CRTAC1: variants seen among roughly 807,000 people sequenced by gnomAD.
CRTAC1 encodes acidic secreted protein in cartilage.
In CRTAC1, 37 loss-of-function variants were observed where a neutral mutation model predicts 67.8. The ratio of observed to expected loss-of-function variants is 0.55; its 90% CI spans 0.42 to 0.72. CRTAC1 has a LOEUF of 0.72. Among genes scored for constraint, CRTAC1 ranks in the 30% least tolerant of loss-of-function variants. CRTAC1 has a pLI of 0.00. For missense variants in CRTAC1, 780 were observed against 931.6 expected (o/e 0.84, Z 2.12); for synonymous variants, 348 against 371.0 (o/e 0.94, Z 0.71).
chr10:97,995,480 A>G (rs764286595), intron 2 of CRTAC1, among the ~76,000 whole-genome samples: 2 of 152,242 alleles, frequency 1.3e-5, no homozygotes, highest in Non-Finnish European at 2.9e-5. Context: ...GGTGATAGAA[A>G]GAACACAAGC....
chr10:97,959,106 T>C (rs375833409), intron 2 of CRTAC1, among the ~76,000 whole-genome samples: 16 of 152,188 alleles, frequency 1.1e-4, no homozygotes, highest in African/African-American at 3.9e-4. Context: ...GTAACAGGTC[T>C]GTGAGTTACC....
chr10:98,028,281 T>A (rs920491010), intron 1 of CRTAC1, among the ~76,000 whole-genome samples: 10 of 152,250 alleles, frequency 6.6e-5, no homozygotes. Context: ...TAGCCTGAGC[T>A]GCCTTAAAGC....
intron 9 of CRTAC1, among the ~76,000 whole-genome samples, chr10:97,896,522 A>G (rs1174654715): frequency 6.6e-6 from 1 of 152,140 alleles, no homozygotes; most frequent in African/African-American, 2.4e-5. Context: ...CTGTCTGACA[A>G]CAAGCTGAGT....
At position 97,877,877 on chromosome 10, in the gene CRTAC1, T is replaced by C. The variant is rs192891605; in HGVS notation, c.1819+2372A>G. 1.1e-4 allele frequency among the ~76,000 whole-genome samples: 17 copies of C among 152,372 alleles called. No homozygotes were observed. In the East Asian group the frequency reaches 3.1e-3, roughly 28 times the overall value. On this transcript the variant is annotated intron_variant, in intron 14 of 14. Coordinates refer to ENST00000370597, the MANE Select transcript of CRTAC1 (RefSeq NM_018058.7). ...GTCACCCTGAACCCCCTGATGTCCT[T>C]GGCAGGCCATCTCTGTAGTTGTCTT...
chr10:97,914,416 A>G (rs2050730446), intron 5 of CRTAC1, among the ~76,000 whole-genome samples: 1 of 152,208 alleles, frequency 6.6e-6, no homozygotes, highest in Non-Finnish European at 1.5e-5. Context: ...GTGCCAGGCC[A>G]TGTGCCAGCC....
intron 1 of CRTAC1, among the ~76,000 whole-genome samples, chr10:98,022,298 T>C (rs549497908): frequency 6.7e-6 from 1 of 149,998 alleles, no homozygotes; most frequent in Non-Finnish European, 1.5e-5. Context: ...GAGGTTGGGG[T>C]GAGCCGAGAT....
intron 3 of CRTAC1, among the ~76,000 whole-genome samples, chr10:97,926,728 A>C (rs1274246376): frequency 6.6e-6 from 1 of 152,208 alleles, no homozygotes; most frequent in East Asian, 1.9e-4. Context: ...AATTTCCCAC[A>C]AAACTTAAAA....
At chr10:97,932,540 G>A (rs1221344801) in intron 3 of CRTAC1, among the ~76,000 whole-genome samples, 1 of 152,110 alleles carries the variant, frequency 6.6e-6, no homozygotes, top group Non-Finnish European at 1.5e-5. Context: ...GGGTAATGGG[G>A]GTACAATTTT....
In CRTAC1 at chr10:97,975,077, G is replaced by A. The variant is rs2051777499; in HGVS notation, c.224+36061C>T. Among the ~76,000 whole-genome samples the A allele has an allele frequency of 6.6e-6, 1 of 152,090 alleles. No homozygotes were observed. Among genetic ancestry groups the A allele is most frequent in the Non-Finnish European group, 1.5e-5 (1 of 68,006 alleles). ...GGATCGATTCCCGGGTGGCGGTGGAGGGCCGGCCCGGGAGGAGCGGCGGAG... is the reference window on the plus strand; with the variant it reads ...GGATCGATTCCCGGGTGGCGGTGGAAGGCCGGCCCGGGAGGAGCGGCGGAG... On this transcript the variant is annotated intron_variant, in intron 2 of 14. Transcript: ENST00000370597. This position sits in a 1 kb window ranked among gnomAD's most constrained non-coding sequence, Gnocchi z 4.8.
intron 6 of CRTAC1, among the ~76,000 whole-genome samples, chr10:97,907,479 T>G (rs890618341): frequency 3.9e-5 from 6 of 152,136 alleles, no homozygotes; most frequent in Non-Finnish European, 8.8e-5. Context: ...TTTGTGTGGG[T>G]TTTATCCTGC....
chr10:97,884,334 T>C lies in CRTAC1; in HGVS notation c.1504A>G (p.Ser502Gly). 6.4e-7 allele frequency: 1 copy of C among 1,551,714 alleles called. No homozygotes were observed. The highest frequency in any genetic ancestry group is 8.7e-7 in the Non-Finnish European group (1 of 1,147,290). ...HFGLGKDEAS[S>G]VEVTWPDGKM... ...CCATCTGGCCACGTCACCTCCACAC[T>C]GCTGGCTTCATCCTTCCCTGAGGGG... The change falls in exon 12 of 15, where the codon AGT becomes GGT. Residue 502 changes from serine to glycine, a missense_variant. Physicochemically the swap from Ser to Gly is moderately conservative, Grantham distance 56. Transcript: ENST00000370597.
intron 1 of CRTAC1, among the ~76,000 whole-genome samples, chr10:98,018,073 C>T (rs1171005519): frequency 6.6e-6 from 1 of 151,280 alleles, no homozygotes; most frequent in African/African-American, 2.4e-5. Flanking sequence ...GTAAGGGGCA[C>T]CGCCTGTAAT....
At chr10:97,878,741 TGAG>T in intron 14 of CRTAC1, 1 of 1,298,054 alleles carries the variant, frequency 7.7e-7, no homozygotes, top group Non-Finnish European at 1.0e-6. Flanking sequence ...AGCCAGACAT[TGAG>T]GAGTCTTAGA....
chr10:97,950,246 C>CACACAGAGAG (rs1447953866), intron 2 of CRTAC1, among the ~76,000 whole-genome samples: 4 of 113,382 alleles, frequency 3.5e-5, no homozygotes, highest in African/African-American at 7.6e-5. Flanking sequence ...CACACACACA[C>CACACAGAGAG]AGAGAGAGAG....
intron 2 of CRTAC1, among the ~76,000 whole-genome samples, chr10:97,956,447 TCTAGGGTCAGTG>T (rs1427156254): frequency 2.0e-5 from 3 of 152,320 alleles, no homozygotes; most frequent in South Asian, 2.1e-4. Flanking sequence ...ACAATTATAC[TCTAGGGTCAGTG>T]TTCCTGAGGA....
chr10:97,936,269 G>T lies in CRTAC1; in HGVS notation c.322C>A (p.Arg108=). The change falls in exon 3 of 15, where the codon CGG becomes AGG. Residue 108 remains arginine (R), a synonymous_variant. Coordinates refer to ENST00000370597, the MANE Select transcript of CRTAC1 (RefSeq NM_018058.7). The part of the protein sequence containing the change: ...DERSSPYYAL[R]DRQGNAIGVT... ...CCGATGGCGTTCCCCTGCCGGTCCC[G>T]CAGCGCGTAGTAGGGTGAGCTGCGC... The T allele has an allele frequency of 6.2e-7, 1 of 1,614,104 alleles. No individual in the cohort carries two copies. The highest frequency in any genetic ancestry group is 8.5e-7 in the Non-Finnish European group (1 of 1,179,978).
chr10:97,919,879 A>G (rs1376270477), intron 4 of CRTAC1, among the ~76,000 whole-genome samples: 1 of 150,074 alleles, frequency 6.7e-6, no homozygotes, highest in Non-Finnish European at 1.5e-5. Context: ...AGCTGGGACT[A>G]CAGGTGTGCC....
At chr10:97,894,603 G>T (rs553473217) in intron 11 of CRTAC1, among the ~76,000 whole-genome samples, 46 of 149,106 alleles carry the variant, frequency 3.1e-4, no homozygotes, top group African/African-American at 1.0e-3. Flanking sequence ...TCGCCATGTT[G>T]CCCAGGCTAG....
In CRTAC1 at chr10:97,895,917, C is replaced by T. The variant is rs1466645220; in HGVS notation, c.1285G>A (p.Ala429Thr). The change falls in exon 10 of 15, where the codon GCT becomes ACT. Residue 429 changes from alanine to threonine, a missense_variant. Coordinates refer to ENST00000370597, the MANE Select transcript of CRTAC1 (RefSeq NM_018058.7). The surrounding 1 kb of genome is among the most constrained non-coding windows in gnomAD (Gnocchi z 4.2). Reference sequence around the variant, plus strand: ...CCCCGGAAGACGGACAGCGGCTGAGCCATGGACTCTCCATGGGACAAGATG... The same window carrying T: ...CCCCGGAAGACGGACAGCGGCTGAGTCATGGACTCTCCATGGGACAAGATG... ...DLILSHGESM[A>T]QPLSVFRGNQ... is the part of the protein sequence containing the mutation. 1 of 1,614,026 alleles carries T rather than the reference C, an allele frequency of 6.2e-7. No individual in the cohort carries two copies. The highest frequency in any genetic ancestry group is 1.7e-5 in the Admixed American group (1 of 60,020).
Sources: gnomAD v4.1 joint callset for allele counts (sites outside exome capture counted in the v4.1 genomes callset) on GRCh38, gnomAD v4.1.1 for gene constraint, Gnocchi (gnomAD v3.1) non-coding constraint, MANE v1.5 for transcripts, NCBI Gene and HGNC (gene_info 2026-07-23, HGNC 2026-07-21) for gene names.